Variants in NRG1 observed in about 807,000 individuals in gnomAD.
NRG1 encodes neuregulin 1.
NRG1 carries 18 observed loss-of-function variants against 63.8 expected under a neutral mutation model. That is an observed-to-expected ratio of 0.28 (90% CI 0.19 to 0.42). NRG1 has a LOEUF of 0.42. NRG1 is among the 10% of genes least tolerant of loss of function. The pLI, the probability that NRG1 is intolerant of heterozygous loss-of-function variation, is 1.00. For missense variants in NRG1, 762 were observed against 814.7 expected, an observed-to-expected ratio of 0.94 and a Z score of 0.79; for synonymous variants, 302 against 301.3, an observed-to-expected ratio of 1.00 and a Z score of -0.02.
chr8:32,055,727 C>T (rs562150630), intron 1 of NRG1, among the ~76,000 whole-genome samples: 4 of 150,212 alleles, frequency 2.7e-5, no homozygotes, highest in South Asian at 2.1e-4. Context: ...TTTAAAATAA[C>T]GTCTTTCTTA....
At chr8:31,677,707 A>G (rs918911915) in intron 1 of NRG1, among the ~76,000 whole-genome samples, 1 of 152,192 alleles carries the variant, frequency 6.6e-6, no homozygotes, top group Admixed American at 6.5e-5. Context: ...GGCTATTTCT[A>G]TGAGTCTTTA....
intron 1 of NRG1, among the ~76,000 whole-genome samples, chr8:31,783,489 A>G (rs1218877860): frequency 1.3e-5 from 2 of 152,142 alleles, no homozygotes; most frequent in East Asian, 3.9e-4. Context: ...CTAGAAATGA[A>G]TATTTGGAAA....
At chr8:31,757,451 C>T (rs769087286) in intron 1 of NRG1, among the ~76,000 whole-genome samples, 5 of 152,088 alleles carry the variant, frequency 3.3e-5, no homozygotes, top group Non-Finnish European at 7.4e-5. Context: ...TTTTACATTT[C>T]ACTGTGCTAC....
intron 5 of NRG1, among the ~76,000 whole-genome samples, chr8:32,651,697 G>T (rs904938217): frequency 1.3e-5 from 2 of 152,114 alleles, no homozygotes; most frequent in African/African-American, 4.8e-5. Context: ...TGTTACCGCA[G>T]TGACAATAAG....
chr8:32,257,706 T>C (rs893588012), intron 1 of NRG1, among the ~76,000 whole-genome samples: 1 of 152,162 alleles, frequency 6.6e-6, no homozygotes, highest in African/African-American at 2.4e-5. Context: ...AAGTGATAAT[T>C]CACATCTGGC....
chr8:32,646,906 G>A (rs1251106467), intron 5 of NRG1: 26 of 984,888 alleles, frequency 2.6e-5, no homozygotes, highest in South Asian at 4.7e-5. Flanking sequence ...GGGAGAGGGG[G>A]AGGAAAGAGA....
chr8:31,753,231 G>A (rs982852776), intron 1 of NRG1, among the ~76,000 whole-genome samples: 1 of 151,852 alleles, frequency 6.6e-6, no homozygotes, highest in South Asian at 2.1e-4. Flanking sequence ...ATATTCTAAT[G>A]AGCATTGTGA....
At chr8:31,970,872 C>T (rs1044753433) in intron 1 of NRG1, among the ~76,000 whole-genome samples, 1 of 151,982 alleles carries the variant, frequency 6.6e-6, no homozygotes, top group African/African-American at 2.4e-5. Context: ...TCTCCTTGGG[C>T]CTCAGGCTAA....
intron 5 of NRG1, among the ~76,000 whole-genome samples, chr8:32,631,300 C>T (rs929115174): frequency 6.6e-6 from 1 of 152,190 alleles, no homozygotes; most frequent in African/African-American, 2.4e-5. Context: ...AATTGTGCTT[C>T]AACAGTGACC....
chr8:32,465,588 TA>T (rs11383463), intron 1 of NRG1, among the ~76,000 whole-genome samples: 9 of 152,058 alleles, frequency 5.9e-5, no homozygotes, highest in African/African-American at 1.7e-4. Context: ...AAGACATTAA[TA>T]AAAAACACCA....
intron 6 of NRG1, among the ~76,000 whole-genome samples, chr8:32,734,014 G>A (rs967130713): frequency 6.6e-6 from 1 of 152,192 alleles, no homozygotes; most frequent in Non-Finnish European, 1.5e-5. Flanking sequence ...GCCACTTAAT[G>A]ACCTCTGAAG....
intron 1 of NRG1, among the ~76,000 whole-genome samples, chr8:32,044,913 C>CAAAAAAAAAAAAAAAAAAAAAAAAAAAA: frequency 1.4e-4 from 8 of 57,118 alleles, no homozygotes; most frequent in Non-Finnish European, 2.4e-4. Context: ...TAAAGAAAAG[C>CAAAAAAAAAAAAAAAAAAAAAAAAAAAA]AAAAAAAAAA....
intron 1 of NRG1, among the ~76,000 whole-genome samples, chr8:31,913,937 T>C (rs1007582928): frequency 8.5e-5 from 13 of 152,174 alleles, no homozygotes; most frequent in African/African-American, 3.1e-4. Flanking sequence ...TGGAAAAGAA[T>C]CTACAGGATG....
intron 1 of NRG1, among the ~76,000 whole-genome samples, chr8:31,900,448 C>T (rs1831977454): frequency 6.6e-6 from 1 of 152,086 alleles, no homozygotes; most frequent in South Asian, 2.1e-4. Context: ...CTAGGGAAGG[C>T]TTCAAGGATA....
At chr8:32,177,123 A>G (rs1355137612) in intron 1 of NRG1, among the ~76,000 whole-genome samples, 1 of 152,182 alleles carries the variant, frequency 6.6e-6, no homozygotes, top group African/African-American at 2.4e-5. Context: ...TGTGGCACAT[A>G]TACACCATGG....
chr8:32,707,078 T>C (rs923701937), intron 5 of NRG1, among the ~76,000 whole-genome samples: 3 of 152,046 alleles, frequency 2.0e-5, no homozygotes, highest in African/African-American at 7.2e-5. Flanking sequence ...AAACAATGCC[T>C]TTTAAAGAAA....
At chr8:31,681,136 T>C (rs1808301779) in intron 1 of NRG1, among the ~76,000 whole-genome samples, 1 of 152,030 alleles carries the variant, frequency 6.6e-6, no homozygotes, top group Non-Finnish European at 1.5e-5. Context: ...AAATGGATAC[T>C]ACCTCACATC....
chr8:31,809,320 T>C (rs1435030426), intron 1 of NRG1, among the ~76,000 whole-genome samples: 4 of 142,030 alleles, frequency 2.8e-5, no homozygotes, highest in East Asian at 2.5e-4. Flanking sequence ...AGTTTTTTTT[T>C]TCTCTCTCTC....
rs1844424104 is a variant in NRG1, at chr8:32,209,406, A to G, written c.38-386422A>G. Among the ~76,000 whole-genome samples the G allele has an allele frequency of 2.0e-5, 3 of 152,130 alleles. No homozygotes were observed. The South Asian group carries it at 6.2e-4, about 31-fold the overall frequency. ...TATTGCTATAACTTTTATATCATAA[A>G]TCCACCCATTTGAAGTGTATAGCTC... On this transcript the variant is annotated intron_variant, in intron 1 of 10. Transcript: ENST00000519301.
Sources: allele counts gnomAD v4.1 joint callset (sites outside exome capture counted in the v4.1 genomes callset), GRCh38; gene constraint gnomAD v4.1.1; transcripts MANE v1.5; gene names NCBI Gene and HGNC (gene_info 2026-07-23, HGNC 2026-07-21).